NARF: variants seen among roughly 807,000 people sequenced by gnomAD.
NARF encodes the protein iron-only hydrogenase-like protein 2.
NARF carries 41 observed loss-of-function variants against 48.0 expected under a neutral mutation model. The observed-to-expected ratio is 0.85, with a 90% CI of 0.66 to 1.11. The LOEUF is 1.11. Ranked by LOEUF, NARF falls within the 50% of genes least tolerant of loss-of-function variation. The pLI, the probability that NARF is intolerant of heterozygous loss-of-function variation, is 0.00. For missense variants in NARF, 613 were observed against 590.2 expected, an observed-to-expected ratio of 1.04 and a Z score of -0.40; for synonymous variants, 215 against 225.5, an observed-to-expected ratio of 0.95 and a Z score of 0.42.
chr17:82,468,653 G>T, intron 3 of NARF, 111 bp from the exon 4 acceptor site: 6 of 1,033,160 alleles, frequency 5.8e-6, no homozygotes, highest in South Asian at 3.3e-5. Flanking sequence ...TATTTTATTA[G>T]TCTTTGCATA....
intron 4 of NARF, among the ~76,000 whole-genome samples, chr17:82,469,423 T>C (rs899079605): frequency 2.6e-5 from 4 of 152,128 alleles, no homozygotes; most frequent in Non-Finnish European, 4.4e-5. Flanking sequence ...CTACCTGAAA[T>C]GTTGATGGAT....
chr17:82,461,300 T>G (rs1206956746), intron 2 of NARF, among the ~76,000 whole-genome samples: 1 of 152,044 alleles, frequency 6.6e-6, no homozygotes, highest in Non-Finnish European at 1.5e-5. Context: ...ATACATAACC[T>G]GAGCCTGGCT....
chr17:82,488,301 C>CTTTGGTTT lies in NARF; in HGVS notation c.*144_*145insTTTGGTTT. ...TTTGGTTTCTCCGAGTTCCCTGCTA[C>CTTTGGTTT]CCCGTTTATTGGAGGCCCCTCAGGC... On this transcript the variant is annotated 3_prime_UTR_variant, in exon 11 of 11. Transcript: ENST00000309794. The CTTTGGTTT allele has an allele frequency of 1.5e-6, 2 of 1,316,684 alleles. No homozygotes were observed. Among genetic ancestry groups the CTTTGGTTT allele is most frequent in the Non-Finnish European group, 2.0e-6 (2 of 989,238 alleles). The allele number at this position is 1,316,684 out of a possible 1,614,324, so 81.6% of individuals were successfully genotyped here.
intron 7 of NARF, chr17:82,482,216 A>G: frequency 4.7e-6 from 2 of 424,758 alleles, no homozygotes; most frequent in Non-Finnish European, 9.3e-6. Flanking sequence ...ACAATCTTTA[A>G]GGGCGCCAAT....
Position 82,468,965 on chromosome 17 carries a change from G to T in NARF, c.385+69G>T. On this transcript the variant is annotated intron_variant, in intron 4 of 10. Transcript: ENST00000309794. ...ATAAGCGCCCTTTTTAATCTCTAAA[G>T]TTCGTTTTTCAAGGACGCAGGGTAG... is the stretch of plus-strand genomic sequence containing the variant. 1.9e-6 allele frequency: 3 copies of T among 1,581,218 alleles called. No homozygotes were observed. In the South Asian group the frequency reaches 3.4e-5, roughly 18 times the overall value.
chr17:82,487,750 C>G (rs1275602214), intron 10 of NARF, among the ~76,000 whole-genome samples, 166 bp from the exon 11 acceptor site: 2 of 152,178 alleles, frequency 1.3e-5, no homozygotes, highest in Admixed American at 1.3e-4. Flanking sequence ...GAGTTCAAGA[C>G]CAGCCTGAGC....
intron 4 of NARF, among the ~76,000 whole-genome samples, chr17:82,470,630 GACT>G: frequency 6.6e-6 from 1 of 152,082 alleles, no homozygotes; most frequent in East Asian, 2.0e-4. Context: ...GAGTGGCTGG[GACT>G]ACAGGCGCCC....
intron 5 of NARF, chr17:82,478,486 C>A: frequency 2.2e-6 from 1 of 460,584 alleles, no homozygotes; most frequent in Non-Finnish European, 4.3e-6. Context: ...TGGGCCGCTG[C>A]TCCTGCTGCC....
intron 5 of NARF, among the ~76,000 whole-genome samples, chr17:82,473,458 C>A (rs892961889): frequency 1.3e-5 from 2 of 151,956 alleles, no homozygotes; most frequent in Admixed American, 1.3e-4. Context: ...TGGAGTGCAT[C>A]CTGCCTCACC....
At chr17:82,460,278 A>G (rs1159363575) in intron 2 of NARF, 11 of 424,986 alleles carry the variant, frequency 2.6e-5, no homozygotes, top group Non-Finnish European at 4.7e-5. Context: ...CAGCCTGGCC[A>G]ACATGGTGAA....
chr17:82,486,001 C>T (rs1308135117), intron 10 of NARF, among the ~76,000 whole-genome samples: 1 of 152,202 alleles, frequency 6.6e-6, no homozygotes, highest in Non-Finnish European at 1.5e-5. Context: ...TGCCCCGTGC[C>T]AGGCACCAAG....
intron 10 of NARF, among the ~76,000 whole-genome samples, chr17:82,486,377 G>A (rs2044096344): frequency 6.6e-6 from 1 of 152,186 alleles, no homozygotes; most frequent in Non-Finnish European, 1.5e-5. Context: ...TGGAAATGCC[G>A]GGTGCAGGTC....
Position 82,484,916 on chromosome 17 carries a change from G to C in NARF, c.937G>C (p.Glu313Gln). Residue 313 changes from glutamate to glutamine, a missense_variant, in exon 9 of 11, where the codon GAG (glutamate) becomes CAG (glutamine). Coordinates refer to ENST00000309794, the MANE Select transcript of NARF (RefSeq NM_012336.4). ...FRHAAKELFNEDVEEVTYRAL... is the reference protein window; with the variant it reads ...FRHAAKELFNQDVEEVTYRAL... ...ACATGCGGCCAAGGAGCTGTTCAAC[G>C]AGGATGTGGAGGAGGTCACTTACCG... 6.2e-7 allele frequency: 1 copy of C among 1,612,650 alleles called. No homozygotes were observed. The highest frequency in any genetic ancestry group is 8.5e-7 in the Non-Finnish European group (1 of 1,179,302).
At chr17:82,461,846 C>T (rs1399826174) in intron 2 of NARF, among the ~76,000 whole-genome samples, 3 of 152,302 alleles carry the variant, frequency 2.0e-5, no homozygotes, top group Non-Finnish European at 4.4e-5. Flanking sequence ...CAGGTGTTCT[C>T]CCGGTTGCCC....
Position 82,484,995 on chromosome 17 carries a change from G to A in NARF, c.971+45G>A, listed in dbSNP as rs769236532. 4.3e-5 allele frequency: 67 copies of A among 1,545,904 alleles called. No homozygotes were observed. The East Asian group carries it at 1.3e-3, about 31-fold the overall frequency. On this transcript the variant is annotated intron_variant, in intron 9 of 10. Transcript: ENST00000309794. ...GCCTGTCTGTGCCTGTGGTTAGCACGTGTGCATGGTGTGCCTGTATGGATC... is the reference window on the plus strand; with the variant it reads ...GCCTGTCTGTGCCTGTGGTTAGCACATGTGCATGGTGTGCCTGTATGGATC...
chr17:82,460,915 A>AT (rs137987200), intron 2 of NARF: 3,458 of 149,732 alleles, frequency 0.023, 143 homozygotes, highest in African/African-American at 0.082. Flanking sequence ...TCTTCTTTTA[A>AT]TTTTTTTTTT....
chr17:82,474,745 A>G (rs1238474078), intron 5 of NARF, among the ~76,000 whole-genome samples: 1 of 152,182 alleles, frequency 6.6e-6, no homozygotes, highest in Non-Finnish European at 1.5e-5. Context: ...CTAGCCATTT[A>G]TAAAATATAA....
rs2043893957 is a variant in NARF at position 82,478,811 on chromosome 17, T to TA, written c.533dup (p.Tyr178Ter). 3.1e-6 allele frequency: 5 copies of TA among 1,613,688 alleles called. No individual in the cohort carries two copies. Among genetic ancestry groups the TA allele is most frequent in the Non-Finnish European group, 4.2e-6 (5 of 1,179,860 alleles). Residue 178 changes from tyrosine (Y) to a stop codon, truncating the protein, a stop_gained and frameshift_variant, in exon 6 of 11, where the codon TAC becomes TAAC. Transcript: ENST00000309794. LOFTEE classifies it high-confidence loss of function. ...LTSACPGWVR[Y>*]AERVLGRPIT... ...CCTTCTCTCCCCAGGCTGGGTCCGA[T>TA]ACGCCGAGCGGGTGCTGGGTCGCCC...
At position 82,490,451 on chromosome 17, in the gene NARF, T is replaced by G. The variant is rs1255453868; in HGVS notation, c.*2294T>G. 1 of 152,322 alleles carries G rather than the reference T, an allele frequency of 6.6e-6. No homozygotes were observed. Among genetic ancestry groups the G allele is most frequent in the Non-Finnish European group, 1.5e-5 (1 of 68,076 alleles). The allele number at this position is 152,322 out of a possible 1,614,324, so 9.4% of individuals were successfully genotyped here. ...TGTCTTGCTGGATAACTGCATATAT[T>G]GTGTTCAGTTGTGTATTTGTTTTGC... On this transcript the variant is annotated 3_prime_UTR_variant, in exon 11 of 11. Transcript: ENST00000309794.
Sources: gnomAD v4.1 joint callset for allele counts (sites outside exome capture counted in the v4.1 genomes callset) on GRCh38, gnomAD v4.1.1 for gene constraint, MANE v1.5 for transcripts, NCBI Gene and HGNC (gene_info 2026-07-23, HGNC 2026-07-21) for gene names.